ZFHX3: variants seen among roughly 807,000 people sequenced by gnomAD.
The protein encoded by ZFHX3 is zinc finger homeobox 3.
A neutral mutation model predicts 279.1 loss-of-function variants in ZFHX3; 42 were observed. That is an observed-to-expected ratio of 0.15 (90% CI 0.12 to 0.19). The LOEUF (loss-of-function observed/expected upper bound fraction) is 0.19. Among genes scored for constraint, ZFHX3 ranks in the 10% least tolerant of loss-of-function variants. The pLI is 1.00. For missense variants in ZFHX3, 4,981 were observed against 4,754.0 expected (o/e 1.05, Z -1.40); for synonymous variants, 2,293 against 1,957.8 (o/e 1.17, Z -4.52).
chr16:73,089,017 C>T (rs996612826), intron 8 of ZFHX3, among the ~76,000 whole-genome samples: 1 of 152,174 alleles, frequency 6.6e-6, no homozygotes, highest in Non-Finnish European at 1.5e-5. Flanking sequence ...TAACATAGCC[C>T]TGGGTGAGGA....
chr16:73,834,424 A>C (rs1462999525), intron 1 of ZFHX3, among the ~76,000 whole-genome samples: 1 of 152,228 alleles, frequency 6.6e-6, no homozygotes, highest in Admixed American at 6.5e-5. Context: ...ACAGCATATG[A>C]AGTGTTCTTG....
chr16:73,142,288 T>C (rs950338302), intron 6 of ZFHX3, among the ~76,000 whole-genome samples: 2 of 152,168 alleles, frequency 1.3e-5, no homozygotes, highest in Non-Finnish European at 2.9e-5. Context: ...TTGTTAAAGG[T>C]CAGGACCTCT....
intron 5 of ZFHX3, among the ~76,000 whole-genome samples, chr16:73,170,112 G>A (rs1036684681): frequency 6.6e-6 from 1 of 151,832 alleles, no homozygotes; most frequent in Non-Finnish European, 1.5e-5. Context: ...TAACACTTGT[G>A]GGATGATTAT....
At chr16:73,559,765 G>A (rs531781650) in intron 2 of ZFHX3, among the ~76,000 whole-genome samples, 79 of 152,206 alleles carry the variant, frequency 5.2e-4, no homozygotes, top group African/African-American at 1.9e-3. Flanking sequence ...CTCTCTCTCT[G>A]CCACCGTCCC....
intron 1 of ZFHX3, among the ~76,000 whole-genome samples, chr16:73,757,742 C>G (rs962007843): frequency 1.3e-5 from 2 of 152,138 alleles, no homozygotes; most frequent in Non-Finnish European, 2.9e-5. Context: ...CTGCAGGAAG[C>G]AGCATTTCAC....
intron 1 of ZFHX3, chr16:73,005,746 T>A (rs1963681075): frequency 6.6e-6 from 1 of 151,938 alleles, no homozygotes; most frequent in Non-Finnish European, 1.5e-5. Flanking sequence ...GCTGAGATTG[T>A]GTCACTGAAC....
chr16:73,294,668 G>A (rs1456602198), intron 4 of ZFHX3, among the ~76,000 whole-genome samples: 3 of 151,906 alleles, frequency 2.0e-5, no homozygotes, highest in African/African-American at 4.8e-5. Flanking sequence ...AAAATTTGCC[G>A]GGTGTGGTTG....
intron 7 of ZFHX3, among the ~76,000 whole-genome samples, chr16:73,129,379 GACACACAC>G (rs59666622): frequency 4.2e-4 from 58 of 137,924 alleles, no homozygotes; most frequent in East Asian, 1.3e-3. Context: ...CAGAGACTCT[GACACACAC>G]ACACACACAC....
chr16:72,938,815 C>A (rs186389447), intron 3 of ZFHX3, among the ~76,000 whole-genome samples: 1 of 152,084 alleles, frequency 6.6e-6, no homozygotes. Context: ...GGTCTTCCTC[C>A]GCTGACAGCT....
intron 1 of ZFHX3, among the ~76,000 whole-genome samples, chr16:73,730,989 AATG>A (rs774804635): frequency 1.3e-5 from 2 of 152,198 alleles, no homozygotes; most frequent in Non-Finnish European, 2.9e-5. Flanking sequence ...CTTGAAAATC[AATG>A]ATGTCAGTCT....
intron 1 of ZFHX3, among the ~76,000 whole-genome samples, chr16:73,019,542 G>A (rs1025207166): frequency 6.6e-6 from 1 of 152,140 alleles, no homozygotes; most frequent in Non-Finnish European, 1.5e-5. Flanking sequence ...CAGCATCGAG[G>A]GAACAGCACT....
chr16:73,165,764 A>T (rs567843561), intron 5 of ZFHX3, among the ~76,000 whole-genome samples: 16 of 152,222 alleles, frequency 1.1e-4, no homozygotes, highest in Admixed American at 5.2e-4. Flanking sequence ...TCTAAAGAAT[A>T]AGTTTGGGGA....
chr16:73,143,550 G>A (rs533338662), intron 6 of ZFHX3, among the ~76,000 whole-genome samples: 11 of 152,238 alleles, frequency 7.2e-5, no homozygotes, highest in Non-Finnish European at 1.3e-4. Flanking sequence ...AATACGGCCC[G>A]AAAAATGCAC....
At chr16:72,917,643 T>C (rs1250075285) in intron 3 of ZFHX3, among the ~76,000 whole-genome samples, 3 of 152,362 alleles carry the variant, frequency 2.0e-5, no homozygotes, top group Admixed American at 6.5e-5. Context: ...AGTTACAAGA[T>C]ACACACAGTA....
At chr16:72,952,096 G>C (rs1409874802) in intron 2 of ZFHX3, among the ~76,000 whole-genome samples, 1 of 152,198 alleles carries the variant, frequency 6.6e-6, no homozygotes, top group African/African-American at 2.4e-5. Flanking sequence ...AAAGAAACTA[G>C]CCAGGCATGG....
intron 1 of ZFHX3, among the ~76,000 whole-genome samples, chr16:73,775,259 G>A (rs1597109560): frequency 7.2e-5 from 11 of 152,146 alleles, no homozygotes; most frequent in Admixed American, 7.2e-4. Context: ...AGAGGTCTCC[G>A]CTTTTCCTTC....
At chr16:73,193,586 G>A (rs1209217257) in intron 5 of ZFHX3, among the ~76,000 whole-genome samples, 2 of 152,140 alleles carry the variant, frequency 1.3e-5, no homozygotes, top group Admixed American at 1.3e-4. Context: ...GACTCACTTT[G>A]TAGGGTTCAC....
At chr16:73,359,993 C>T (rs1433989362) in intron 3 of ZFHX3, among the ~76,000 whole-genome samples, 1 of 151,958 alleles carries the variant, frequency 6.6e-6, no homozygotes, top group Non-Finnish European at 1.5e-5. Flanking sequence ...GTGCTGTAAA[C>T]CTGAGTAAGA....
chr16:73,013,830 CTCTT>C (rs1964002653), intron 1 of ZFHX3, among the ~76,000 whole-genome samples: 2 of 152,218 alleles, frequency 1.3e-5, no homozygotes, highest in South Asian at 4.2e-4. Flanking sequence ...ACGTGGGGGT[CTCTT>C]TCTTTGCCAA....
Sources: allele counts gnomAD v4.1 joint callset (sites outside exome capture counted in the v4.1 genomes callset), GRCh38; gene constraint gnomAD v4.1.1; transcripts MANE v1.5; gene names NCBI Gene and HGNC (gene_info 2026-07-23, HGNC 2026-07-21).